ST3GAL3: variants seen among roughly 807,000 people sequenced by gnomAD.
ST3GAL3 encodes ST3 beta-galactoside alpha-2,3-sialyltransferase 3.
In ST3GAL3, 21 loss-of-function variants were observed where a neutral mutation model predicts 50.1. That is an observed-to-expected ratio of 0.42 (90% CI 0.30 to 0.60). ST3GAL3 has a LOEUF of 0.60. Ranked by LOEUF, ST3GAL3 falls within the 20% of genes least tolerant of loss-of-function variation. The pLI, the probability that ST3GAL3 is intolerant of heterozygous loss-of-function variation, is 0.19. For synonymous variants in ST3GAL3, 183 were observed against 190.0 expected (o/e 0.96, Z 0.30); for missense variants, 353 against 489.4 (o/e 0.72, Z 2.63).
chr1:43,903,003 G>A (rs937184517), intron 9 of ST3GAL3, among the ~76,000 whole-genome samples: 2 of 152,200 alleles, frequency 1.3e-5, no homozygotes, highest in Admixed American at 1.3e-4. Flanking sequence ...TCTGGGGCAG[G>A]TGGGGGACAA....
At chr1:43,802,388 T>A (rs925475069) in intron 3 of ST3GAL3, among the ~76,000 whole-genome samples, 4 of 152,258 alleles carry the variant, frequency 2.6e-5, no homozygotes, top group Non-Finnish European at 4.4e-5. Flanking sequence ...TTTCTTCAGT[T>A]AGAACAAATG....
At chr1:43,816,713 A>G (rs1033758943) in intron 4 of ST3GAL3, among the ~76,000 whole-genome samples, 1 of 152,224 alleles carries the variant, frequency 6.6e-6, no homozygotes, top group Non-Finnish European at 1.5e-5. Context: ...GGTCCTGCAG[A>G]GTAGGCTGTT....
At chr1:43,787,700 T>G (rs1165157498) in intron 2 of ST3GAL3, among the ~76,000 whole-genome samples, 1 of 152,264 alleles carries the variant, frequency 6.6e-6, no homozygotes, top group Admixed American at 6.5e-5. Flanking sequence ...ATGCTTACCC[T>G]TATCACTTTA....
At chr1:43,920,197 C>A in intron 9 of ST3GAL3, 1 of 630,760 alleles carries the variant, frequency 1.6e-6, no homozygotes. Flanking sequence ...AGCCCCACCA[C>A]ACGCTCTCTT....
intron 4 of ST3GAL3, among the ~76,000 whole-genome samples, chr1:43,827,751 G>T (rs1395675390): frequency 6.6e-6 from 1 of 152,090 alleles, no homozygotes; most frequent in Non-Finnish European, 1.5e-5. Flanking sequence ...GGATCAAGCA[G>T]TCCTCCTGCT....
chr1:43,865,333 A>G (rs1278263669), intron 5 of ST3GAL3, among the ~76,000 whole-genome samples: 1 of 152,038 alleles, frequency 6.6e-6, no homozygotes, highest in African/African-American at 2.4e-5. Context: ...ATTCTTATTT[A>G]TAAGTCTTTA....
intron 9 of ST3GAL3, chr1:43,911,058 C>G (rs925276149): frequency 6.6e-6 from 1 of 152,174 alleles, no homozygotes; most frequent in Non-Finnish European, 1.5e-5. Flanking sequence ...CTGTGCGTAC[C>G]CTAAGCCCAA....
chr1:43,917,528 TTATATAATATATTATGTATTA>T (rs2082120420), intron 9 of ST3GAL3, among the ~76,000 whole-genome samples: 1 of 68,530 alleles, frequency 1.5e-5, no homozygotes, highest in Admixed American at 2.9e-4. Flanking sequence ...ATATATTATA[TTATATAATATATTATGTATTA>T]TATATAATAT....
intron 2 of ST3GAL3, among the ~76,000 whole-genome samples, chr1:43,782,251 G>A (rs1283287250): frequency 6.6e-6 from 1 of 151,964 alleles, no homozygotes; most frequent in African/African-American, 2.4e-5. Flanking sequence ...TCCCACATCC[G>A]ATCAGTTTCC....
At chr1:43,885,946 T>G (rs2154260547) in intron 5 of ST3GAL3, among the ~76,000 whole-genome samples, 1 of 152,320 alleles carries the variant, frequency 6.6e-6, no homozygotes, top group South Asian at 2.1e-4. Context: ...AGGGAGAGAC[T>G]TGTCAAATTA....
intron 9 of ST3GAL3, chr1:43,911,963 A>G (rs923143832): frequency 6.6e-5 from 10 of 152,172 alleles, no homozygotes; most frequent in Admixed American, 2.0e-4. Context: ...GTGCTAGAAT[A>G]TATTTAACAG....
At chr1:43,864,721 A>T in intron 5 of ST3GAL3, among the ~76,000 whole-genome samples, 1 of 152,160 alleles carries the variant, frequency 6.6e-6, no homozygotes, top group South Asian at 2.1e-4. Context: ...GGAAGAGGTG[A>T]TAAGGACAAG....
rs773012128 is a variant in ST3GAL3, at chr1:43,736,255, A to T, written c.-8A>T. The T allele has an allele frequency of 6.2e-7, 1 of 1,614,178 alleles. No individual in the cohort carries two copies. The highest frequency in any genetic ancestry group is 8.5e-7 in the Non-Finnish European group (1 of 1,180,016). The stretch of plus-strand genomic sequence containing the variant: ...TAGGTCATTTAGGAAATCGTAAATC[A>T]TGTGAAGATGGGACTCTTGGTATTT... On this transcript the variant is annotated 5_prime_UTR_variant, in exon 2 of 12. The change abolishes an upstream ATG in the 5' untranslated region. Coordinates refer to ENST00000347631, the MANE Select transcript of ST3GAL3 (RefSeq NM_006279.5).
At chr1:43,926,464 C>T (rs956060013) in intron 11 of ST3GAL3, among the ~76,000 whole-genome samples, 1 of 152,136 alleles carries the variant, frequency 6.6e-6, no homozygotes, top group Non-Finnish European at 1.5e-5. Context: ...TGGCGCATGC[C>T]TGTAATCCCA....
At chr1:43,866,499 C>T (rs1485138033) in intron 5 of ST3GAL3, among the ~76,000 whole-genome samples, 2 of 151,878 alleles carry the variant, frequency 1.3e-5, no homozygotes, top group African/African-American at 4.8e-5. Flanking sequence ...TGGGAGGATC[C>T]CCTAAGCCCA....
chr1:43,762,700 A>C (rs1418003970), intron 2 of ST3GAL3, among the ~76,000 whole-genome samples: 1 of 152,244 alleles, frequency 6.6e-6, no homozygotes, highest in Admixed American at 6.5e-5. Flanking sequence ...ATAGGTTTGC[A>C]TACATATGCA....
Position 43,903,958 on chromosome 1 carries a change from A to G in ST3GAL3, c.744+4231A>G, listed in dbSNP as rs114028595. Among the ~76,000 whole-genome samples the G allele has an allele frequency of 2.0e-3, 301 of 152,344 alleles. 1 individual carries two copies. The highest frequency in any genetic ancestry group is 7.1e-3 in the African/African-American group (294 of 41,572). ...GATGAAATCTAGAAGCATCTAGCAT[A>G]GAGAACTTAACTATGTTCTCAGTCT... On this transcript the variant is annotated intron_variant, in intron 9 of 11. Coordinates refer to ENST00000347631, the MANE Select transcript of ST3GAL3 (RefSeq NM_006279.5).
chr1:43,929,533 C>T (rs756090291), intron 11 of ST3GAL3, among the ~76,000 whole-genome samples: 13 of 152,150 alleles, frequency 8.5e-5, no homozygotes, highest in Non-Finnish European at 1.8e-4. Flanking sequence ...GAACTCCTGA[C>T]CTCGTGATCC....
intron 2 of ST3GAL3, among the ~76,000 whole-genome samples, chr1:43,778,483 C>G (rs1184069121): frequency 2.6e-5 from 4 of 152,014 alleles, no homozygotes; most frequent in Non-Finnish European, 5.9e-5. Flanking sequence ...CAAACAAGGT[C>G]CACACATTTG....
Sources: allele counts gnomAD v4.1 joint callset (sites outside exome capture counted in the v4.1 genomes callset), GRCh38; gene constraint gnomAD v4.1.1; transcripts MANE v1.5; gene names NCBI Gene and HGNC (gene_info 2026-07-23, HGNC 2026-07-21).